BACH2: variants seen among roughly 807,000 people sequenced by gnomAD.
The protein encoded by BACH2 is BACH transcriptional regulator 2.
A neutral mutation model predicts 61.8 loss-of-function variants in BACH2; 5 were observed. The observed-to-expected ratio is 0.08, with a 90% CI of 0.04 to 0.17. BACH2 has a LOEUF of 0.17. BACH2 is among the 10% of genes least tolerant of loss of function. The pLI is 1.00. For missense variants in BACH2, 824 were observed against 1,091.1 expected (o/e 0.76, Z 3.45); for synonymous variants, 446 against 440.1 (o/e 1.01, Z -0.17).
intron 4 of BACH2, among the ~76,000 whole-genome samples, chr6:90,111,217 T>C (rs956338401): frequency 6.6e-6 from 1 of 152,170 alleles, no homozygotes; most frequent in African/African-American, 2.4e-5. Flanking sequence ...GACCACACTT[T>C]GAGAACTGTG....
intron 6 of BACH2, among the ~76,000 whole-genome samples, chr6:89,993,806 T>C (rs1031319751): frequency 6.6e-6 from 1 of 152,000 alleles, no homozygotes; most frequent in Non-Finnish European, 1.5e-5. Context: ...CTTTATGTTT[T>C]TTTTTTTTTG....
chr6:90,074,451 T>C (rs574920487), intron 5 of BACH2, among the ~76,000 whole-genome samples: 1 of 152,144 alleles, frequency 6.6e-6, no homozygotes, highest in African/African-American at 2.4e-5. Flanking sequence ...CAGTTGTCAG[T>C]TGGAAACACC....
At chr6:90,227,499 A>T (rs1444577144) in intron 3 of BACH2, among the ~76,000 whole-genome samples, 2 of 152,234 alleles carry the variant, frequency 1.3e-5, no homozygotes, top group Non-Finnish European at 2.9e-5. Flanking sequence ...CTAATTTCTG[A>T]ACAAAGAGAA....
At position 90,275,738 on chromosome 6, in the gene BACH2, G is replaced by A. The variant is rs151069895; in HGVS notation, c.-445-3797C>T. 8.6e-3 allele frequency among the ~76,000 whole-genome samples: 1,302 copies of A among 152,196 alleles called. 21 individuals are homozygous for A. The highest frequency in any genetic ancestry group is 0.03 in the African/African-American group (1,242 of 41,518). On this transcript the variant is annotated intron_variant, in intron 1 of 8. Transcript: ENST00000257749. ...CGCCTGTAATCCCAGCACTTTGGGA[G>A]GCCAAGGCGGCCTGAACATCTGAGG...
intron 6 of BACH2, among the ~76,000 whole-genome samples, chr6:89,967,592 C>A (rs929926506): frequency 9.2e-5 from 14 of 152,264 alleles, no homozygotes; most frequent in African/African-American, 3.4e-4. Context: ...TTTAATGGCA[C>A]CTTCCCAGAG....
At chr6:90,153,347 T>A (rs1048035449) in intron 4 of BACH2, among the ~76,000 whole-genome samples, 11 of 152,152 alleles carry the variant, frequency 7.2e-5, no homozygotes, top group Non-Finnish European at 1.3e-4. Context: ...ATTCTTTTCC[T>A]AAATAAGAGT....
At chr6:90,130,768 C>T (rs1004621115) in intron 4 of BACH2, among the ~76,000 whole-genome samples, 4 of 152,176 alleles carry the variant, frequency 2.6e-5, no homozygotes, top group Admixed American at 1.3e-4. Context: ...TTTGCTTACG[C>T]GAAGGTGGTG....
intron 6 of BACH2, among the ~76,000 whole-genome samples, chr6:89,955,805 G>C (rs1209167188): frequency 6.6e-6 from 1 of 152,098 alleles, no homozygotes; most frequent in Non-Finnish European, 1.5e-5. Flanking sequence ...TCATGAAACT[G>C]TGACCACAAG....
Position 90,008,926 on chromosome 6 carries a change from G to C in BACH2, c.-12-70C>G. 2 of 1,541,224 alleles carry C rather than the reference G, an allele frequency of 1.3e-6. No homozygotes were observed. Among genetic ancestry groups the C allele is most frequent in the Non-Finnish European group, 1.8e-6 (2 of 1,142,680 alleles). Reference sequence around the variant, plus strand: ...GTCACCACAGCTGTAGGATCAGAGAGAGGAGGTGAGAAAGAACATCATGGT... The same window carrying C: ...GTCACCACAGCTGTAGGATCAGAGACAGGAGGTGAGAAAGAACATCATGGT... On this transcript the variant is annotated intron_variant, in intron 5 of 8. Coordinates refer to ENST00000257749, the MANE Select transcript of BACH2 (RefSeq NM_021813.4). The surrounding 1 kb of genome is among the most constrained non-coding windows in gnomAD (Gnocchi z 4.1).
chr6:90,275,746 C>A (rs117170114), intron 1 of BACH2, among the ~76,000 whole-genome samples: 1 of 152,054 alleles, frequency 6.6e-6, no homozygotes, highest in Admixed American at 6.5e-5. Context: ...GAGGCCAAGG[C>A]GGCCTGAACA....
chr6:90,293,082 C>T (rs984803014), intron 1 of BACH2, among the ~76,000 whole-genome samples: 2 of 152,062 alleles, frequency 1.3e-5, no homozygotes, highest in Non-Finnish European at 1.5e-5. Flanking sequence ...TAAGAATTTC[C>T]GAAGAAAACA....
At chr6:90,174,450 A>G (rs1767922740) in intron 4 of BACH2, among the ~76,000 whole-genome samples, 1 of 152,084 alleles carries the variant, frequency 6.6e-6, no homozygotes, top group Non-Finnish European at 1.5e-5. Flanking sequence ...CATACTTTAT[A>G]ATATAAATGA....
intron 4 of BACH2, among the ~76,000 whole-genome samples, chr6:90,205,649 T>G (rs1769119247): frequency 6.6e-6 from 1 of 152,170 alleles, no homozygotes; most frequent in African/African-American, 2.4e-5. Flanking sequence ...ACACCAGGCT[T>G]TCTCATATGC....
At chr6:89,949,773 T>C (rs1773963940) in intron 7 of BACH2, among the ~76,000 whole-genome samples, 1 of 152,162 alleles carries the variant, frequency 6.6e-6, no homozygotes, top group Non-Finnish European at 1.5e-5. Context: ...GGGATGGCCC[T>C]GGGGTCTTCT....
chr6:89,956,521 TATC>T (rs1435633432), intron 6 of BACH2, among the ~76,000 whole-genome samples: 5 of 152,200 alleles, frequency 3.3e-5, no homozygotes, highest in Non-Finnish European at 5.9e-5. Context: ...GATTCTAACA[TATC>T]ATCTCTCTGC....
intron 4 of BACH2, among the ~76,000 whole-genome samples, chr6:90,093,815 T>C (rs1387177318): frequency 1.3e-5 from 2 of 152,208 alleles, no homozygotes; most frequent in African/African-American, 4.8e-5. Context: ...TGCGGCTAGA[T>C]TGATTTCCGA....
At chr6:90,218,562 CAT>C (rs1769623925) in intron 3 of BACH2, among the ~76,000 whole-genome samples, 1 of 150,512 alleles carries the variant, frequency 6.6e-6, no homozygotes, top group Non-Finnish European at 1.5e-5. Context: ...AATGATCTCA[CAT>C]GACTCAACAA....
rs116068161 is a variant in BACH2 at position 90,121,478 on chromosome 6, A to G, written c.-161-32369T>C. Among the ~76,000 whole-genome samples the G allele has an allele frequency of 4.3e-3, 658 of 152,298 alleles. 6 individuals are homozygous for G. Among genetic ancestry groups the G allele is most frequent in the South Asian group, 0.03 (143 of 4,832 alleles). ...GCTTATTTAAATAAAAACTATTTTA[A>G]TAAAAAGATATATATCTAAATTTCA... On this transcript the variant is annotated intron_variant, in intron 4 of 8. Transcript: ENST00000257749.
At chr6:90,219,748 C>G (rs939805126) in intron 3 of BACH2, among the ~76,000 whole-genome samples, 1 of 151,226 alleles carries the variant, frequency 6.6e-6, no homozygotes, top group African/African-American at 2.4e-5. Context: ...GCCCTTCATA[C>G]TCACTTCATA....
Sources: allele counts gnomAD v4.1 joint callset (sites outside exome capture counted in the v4.1 genomes callset), GRCh38; gene constraint gnomAD v4.1.1; non-coding constraint Gnocchi (gnomAD v3.1); transcripts MANE v1.5; gene names NCBI Gene and HGNC (gene_info 2026-07-23, HGNC 2026-07-21).